The following ZCWPW2 variants were observed in gnomAD, a reference collection of about 807,000 sequenced individuals.
ZCWPW2 encodes the protein zinc finger CW-type PWWP domain protein 2.
A neutral mutation model predicts 46.6 loss-of-function variants in ZCWPW2; 45 were observed. The observed-to-expected ratio is 0.96, with a 90% CI of 0.76 to 1.24. The LOEUF is 1.24. Among genes scored for constraint, ZCWPW2 ranks in the 50% most tolerant of loss-of-function variants. The pLI is 0.00. For missense variants in ZCWPW2, 429 were observed against 403.9 expected (o/e 1.06, Z -0.53); for synonymous variants, 152 against 137.1 (o/e 1.11, Z -0.76).
chr3:28,429,891 G>A (rs1489102851), intron 3 of ZCWPW2, among the ~76,000 whole-genome samples: 1 of 152,214 alleles, frequency 6.6e-6, no homozygotes, highest in Admixed American at 6.5e-5. Flanking sequence ...TGAAGTTTCA[G>A]AACCTCCACC....
At chr3:28,406,813 T>C (rs959442312) in intron 2 of ZCWPW2, among the ~76,000 whole-genome samples, 10 of 132,968 alleles carry the variant, frequency 7.5e-5, no homozygotes, top group Non-Finnish European at 1.1e-4. Context: ...TGGAATTTCC[T>C]TTTCTTTTTT....
intron 4 of ZCWPW2, among the ~76,000 whole-genome samples, chr3:28,472,459 C>T (rs1190558518): frequency 6.6e-6 from 1 of 151,942 alleles, no homozygotes; most frequent in Non-Finnish European, 1.5e-5. Context: ...AAGGTGCCAA[C>T]AACATACATT....
intron 6 of ZCWPW2, among the ~76,000 whole-genome samples, chr3:28,492,779 C>A (rs1465282317): frequency 6.6e-6 from 1 of 152,062 alleles, no homozygotes; most frequent in Non-Finnish European, 1.5e-5. Flanking sequence ...GTTCTTACCA[C>A]TAAACAAAGA....
At chr3:28,483,778 T>C (rs968747239) in intron 5 of ZCWPW2, among the ~76,000 whole-genome samples, 1 of 152,194 alleles carries the variant, frequency 6.6e-6, no homozygotes, top group Admixed American at 6.5e-5. Flanking sequence ...TTTCAAATTC[T>C]ACTTGTTTGG....
chr3:28,484,508 AGTGTCTCTT>A (rs1275699045), intron 5 of ZCWPW2, among the ~76,000 whole-genome samples: 48 of 152,270 alleles, frequency 3.2e-4, no homozygotes, highest in African/African-American at 1.1e-3. Flanking sequence ...ATTTTAGCAG[AGTGTCTCTT>A]TCAAGAAATT....
intron 6 of ZCWPW2, among the ~76,000 whole-genome samples, chr3:28,510,341 C>T (rs1700392638): frequency 6.6e-6 from 1 of 152,116 alleles, no homozygotes; most frequent in Non-Finnish European, 1.5e-5. Context: ...CTTACTTTGG[C>T]CCATGGAATA....
chr3:28,501,271 A>G (rs1297325970), intron 6 of ZCWPW2, among the ~76,000 whole-genome samples: 2 of 152,154 alleles, frequency 1.3e-5, no homozygotes, highest in African/African-American at 4.8e-5. Flanking sequence ...GGTTACTTCA[A>G]GTTACTCTCC....
intron 1 of ZCWPW2, among the ~76,000 whole-genome samples, chr3:28,385,165 A>C (rs1012967719): frequency 6.6e-6 from 1 of 152,328 alleles, no homozygotes; most frequent in Non-Finnish European, 1.5e-5. Flanking sequence ...AAACAAGACA[A>C]GTAGTCAAGA....
intron 4 of ZCWPW2, among the ~76,000 whole-genome samples, chr3:28,448,904 A>G (rs1365511209): frequency 6.6e-6 from 1 of 151,076 alleles, no homozygotes; most frequent in Non-Finnish European, 1.5e-5. Flanking sequence ...GTATTTTTGC[A>G]TGAATAGCAA....
intron 6 of ZCWPW2, among the ~76,000 whole-genome samples, chr3:28,500,308 A>G (rs1700108563): frequency 1.3e-5 from 2 of 152,112 alleles, no homozygotes; most frequent in South Asian, 4.1e-4. Context: ...CATGTTTATA[A>G]TACTACATGC....
At chr3:28,517,271 C>A (rs1305974400) in intron 8 of ZCWPW2, among the ~76,000 whole-genome samples, 1 of 152,144 alleles carries the variant, frequency 6.6e-6, no homozygotes, top group Non-Finnish European at 1.5e-5. Context: ...TCTGTTCTTG[C>A]ATTGCTATAA....
chr3:28,498,606 T>TA (rs1553642576), intron 6 of ZCWPW2, among the ~76,000 whole-genome samples: 1 of 151,986 alleles, frequency 6.6e-6, no homozygotes, highest in Non-Finnish European at 1.5e-5. Flanking sequence ...TTCTCAGACT[T>TA]ACAATAGTAT....
intron 1 of ZCWPW2, among the ~76,000 whole-genome samples, chr3:28,372,730 G>T (rs1033700447): frequency 6.6e-6 from 1 of 152,056 alleles, no homozygotes; most frequent in African/African-American, 2.4e-5. Context: ...CATGAATAAT[G>T]AACATTGTAT....
intron 8 of ZCWPW2, among the ~76,000 whole-genome samples, chr3:28,518,989 C>T (rs1700651650): frequency 6.6e-6 from 1 of 152,150 alleles, no homozygotes; most frequent in Non-Finnish European, 1.5e-5. Context: ...ATTTGATAGA[C>T]ATGACATTGT....
intron 1 of ZCWPW2, among the ~76,000 whole-genome samples, chr3:28,375,623 C>G (rs913966048): frequency 3.9e-5 from 6 of 151,930 alleles, no homozygotes; most frequent in Non-Finnish European, 7.4e-5. Flanking sequence ...AAGCATTTAT[C>G]CTTTGAGTTA....
Position 28,392,950 on chromosome 3 carries a change from G to GA in ZCWPW2, c.-14+2342dup, listed in dbSNP as rs202070830. ...AAGGTGGGAAATAAAGATTAGTGCA[G>GA]AAAAAAAAATAGAGATTAGAAATAT... On this transcript the variant is annotated intron_variant, in intron 2 of 9. Coordinates refer to ENST00000383768, the MANE Select transcript of ZCWPW2 (RefSeq NM_001040432.4). 3.0e-3 allele frequency among the ~76,000 whole-genome samples: 438 copies of GA among 148,306 alleles called. 2 individuals carry two copies. The highest frequency in any genetic ancestry group is 9.6e-3 in the African/African-American group (389 of 40,538).
chr3:28,401,794 G>A (rs1378452048), intron 2 of ZCWPW2, among the ~76,000 whole-genome samples: 1 of 151,916 alleles, frequency 6.6e-6, no homozygotes, highest in Non-Finnish European at 1.5e-5. Context: ...GCAAATACAT[G>A]GAAATTAAAT....
At chr3:28,427,144 T>A (rs1032310463) in intron 3 of ZCWPW2, among the ~76,000 whole-genome samples, 1 of 152,232 alleles carries the variant, frequency 6.6e-6, no homozygotes, top group African/African-American at 2.4e-5. Flanking sequence ...TAAGTTACCA[T>A]TGGGTTGCCC....
intron 1 of ZCWPW2, among the ~76,000 whole-genome samples, chr3:28,376,113 G>T (rs575234526): frequency 6.6e-6 from 1 of 151,940 alleles, no homozygotes; most frequent in Admixed American, 6.6e-5. Context: ...TAGGGGTACC[G>T]ATGTCTTTTT....
Sources: allele counts gnomAD v4.1 joint callset (sites outside exome capture counted in the v4.1 genomes callset), GRCh38; gene constraint gnomAD v4.1.1; transcripts MANE v1.5; gene names NCBI Gene and HGNC (gene_info 2026-07-23, HGNC 2026-07-21).